CSTF3: variants seen among roughly 807,000 people sequenced by gnomAD.
CSTF3 encodes the protein CF-1 77 kDa subunit.
CSTF3 carries 29 observed loss-of-function variants against 105.8 expected under a neutral mutation model. The observed-to-expected ratio is 0.27, with a 90% CI of 0.20 to 0.37. The LOEUF (loss-of-function observed/expected upper bound fraction) is 0.37. Ranked by LOEUF, CSTF3 falls within the 10% of genes least tolerant of loss-of-function variation. The pLI is 1.00. For missense variants in CSTF3, 357 were observed against 879.3 expected (o/e 0.41, Z 7.51); for synonymous variants, 252 against 281.9 (o/e 0.89, Z 1.06).
At chr11:33,090,476 T>G (rs549074538) in intron 17 of CSTF3, 56 bp downstream of exon 17, 5 of 1,066,142 alleles carry the variant, frequency 4.7e-6, no homozygotes, top group Non-Finnish European at 6.3e-6. Flanking sequence ...ATCAATGAAC[T>G]CTTCTAAAAC....
At chr11:33,089,737 G>C (rs958632733) in intron 17 of CSTF3, among the ~76,000 whole-genome samples, 1 of 152,162 alleles carries the variant, frequency 6.6e-6, no homozygotes, top group Non-Finnish European at 1.5e-5. Flanking sequence ...GGCTAAAAGA[G>C]GGCAGTGAGG....
intron 1 of CSTF3, among the ~76,000 whole-genome samples, chr11:33,147,823 C>A (rs760990586): frequency 6.6e-6 from 1 of 152,070 alleles, no homozygotes; most frequent in Non-Finnish European, 1.5e-5. Context: ...TTGTCGATTT[C>A]TTTTAGCCTT....
chr11:33,107,914 T>C lies in CSTF3; in HGVS notation c.345A>G (p.Leu115=), dbSNP rs1855342801. 3.1e-6 allele frequency: 5 copies of C among 1,604,032 alleles called. No homozygotes were observed. The highest frequency in any genetic ancestry group is 4.3e-6 in the Non-Finnish European group (5 of 1,172,904). The change falls in exon 5 of 21, where the codon CTA becomes CTG. Residue 115 remains leucine, a synonymous_variant. Coordinates refer to ENST00000323959, the MANE Select transcript of CSTF3 (RefSeq NM_001326.3). ...LSYVRETKGK[L]PSYKEKMAQA... ...CTGGTTTCACTTACTTGTAACTTGG[T>C]AGTTTACCCTTGGTTTCTCGGACAT...
chr11:33,140,584 G>A (rs1855700090), intron 3 of CSTF3, among the ~76,000 whole-genome samples: 1 of 152,028 alleles, frequency 6.6e-6, no homozygotes, highest in East Asian at 1.9e-4. Context: ...GGTCCATTCT[G>A]AGGACATATC....
chr11:33,151,819 A>AT (rs1347564405), intron 1 of CSTF3, among the ~76,000 whole-genome samples: 1 of 152,210 alleles, frequency 6.6e-6, no homozygotes, highest in Non-Finnish European at 1.5e-5. Context: ...CATTTCCAGT[A>AT]TAAGGGGTTC....
rs1408050209 is a variant in CSTF3, at chr11:33,154,487, C to CTTTTTTTTTTTTTTTTTTTTT, written c.27+6811_27+6812insAAAAAAAAAAAAAAAAAAAAA. ...TAGACCGGAGTAGCACTCCGTAAGA[C>CTTTTTTTTTTTTTTTTTTTTT]TTTCTTTTTTTTTTTTTTTTTTTTT... is the stretch of plus-strand genomic sequence containing the variant. On this transcript the variant is annotated intron_variant, in intron 1 of 20. Transcript: ENST00000323959. Among the ~76,000 whole-genome samples the CTTTTTTTTTTTTTTTTTTTTT allele has an allele frequency of 6.5e-5, 2 of 30,636 alleles. 1 individual carries two copies. Among genetic ancestry groups the CTTTTTTTTTTTTTTTTTTTTT allele is most frequent in the Non-Finnish European group, 1.9e-4 (2 of 10,446 alleles). The allele number at this position is 30,636 out of a possible 152,430, so 20.1% of individuals were successfully genotyped here. A position where few individuals can be genotyped will look rare whatever the true frequency, so the allele number is the denominator to read the frequency against.
chr11:33,157,446 G>A (rs1313809862), intron 1 of CSTF3, among the ~76,000 whole-genome samples: 1 of 152,074 alleles, frequency 6.6e-6, no homozygotes, highest in Non-Finnish European at 1.5e-5. Context: ...TGTTAGGGGG[G>A]TAAACCTATA....
intron 3 of CSTF3, among the ~76,000 whole-genome samples, chr11:33,135,022 T>G (rs985454506): frequency 2.6e-5 from 4 of 152,218 alleles, no homozygotes; most frequent in Non-Finnish European, 5.9e-5. Flanking sequence ...CTGCAGTTAA[T>G]TCTTTTAAGC....
Position 33,087,014 on chromosome 11 carries a change from A to G in CSTF3, c.1769T>C (p.Ile590Thr). 6.2e-7 allele frequency: 1 copy of G among 1,614,098 alleles called. No individual in the cohort carries two copies. Among genetic ancestry groups the G allele is most frequent in the South Asian group, 1.1e-5 (1 of 91,080 alleles). Residue 590 changes from isoleucine to threonine, a missense_variant, in exon 18 of 21, where the codon ATT (isoleucine) becomes ACT (threonine). Around this residue, in one of 4 missense-constraint regions of CSTF3, gnomAD observed 206 missense variants for 576.5 expected, o/e 0.36. Coordinates refer to ENST00000323959, the MANE Select transcript of CSTF3 (RefSeq NM_001326.3). ...EYPKPDTQQM[I>T]PFQPRHLAPP... The stretch of plus-strand genomic sequence containing the variant: ...TGCTAAATGTCGTGGCTGAAATGGA[A>G]TCATCTGCTGAGTGTCTGGTTTAGG...
intron 17 of CSTF3, 60 bp downstream of exon 17, chr11:33,090,472 G>T: frequency 2.0e-6 from 2 of 1,016,912 alleles, no homozygotes; most frequent in South Asian, 3.6e-5. Context: ...GGTTATCAAT[G>T]AACTCTTCTA....
In CSTF3 at chr11:33,152,178, C is replaced by T. The variant is rs537795879; in HGVS notation, c.27+9121G>A. The stretch of plus-strand genomic sequence containing the variant: ...GCTAAGGTGGGAGGATCCCTTGAGC[C>T]GGCGGGGAGGGGCAGAGGTTCCACT... On this transcript the variant is annotated intron_variant, in intron 1 of 20. Coordinates refer to ENST00000323959, the MANE Select transcript of CSTF3 (RefSeq NM_001326.3). Among the ~76,000 whole-genome samples the T allele has an allele frequency of 4.6e-5, 7 of 152,246 alleles. No individual in the cohort carries two copies. In the South Asian group the frequency reaches 1.2e-3, roughly 27 times the overall value.
chr11:33,122,979 A>C (rs890790674), intron 3 of CSTF3, among the ~76,000 whole-genome samples: 2 of 151,880 alleles, frequency 1.3e-5, no homozygotes, highest in African/African-American at 4.8e-5. Context: ...GGTCAGTAAG[A>C]ACATCAAAAT....
intron 3 of CSTF3, among the ~76,000 whole-genome samples, chr11:33,120,625 A>G (rs1187062485): frequency 5.3e-5 from 8 of 152,076 alleles, no homozygotes; most frequent in African/African-American, 1.7e-4. Context: ...GCTTACTCAG[A>G]AAACAAGCGA....
chr11:33,149,240 T>A (rs999968458), intron 1 of CSTF3, among the ~76,000 whole-genome samples: 1 of 152,224 alleles, frequency 6.6e-6, no homozygotes, highest in Non-Finnish European at 1.5e-5. Context: ...ATCAGTTGCA[T>A]CACTAAATGT....
At chr11:33,152,973 A>G (rs2133807888) in intron 1 of CSTF3, among the ~76,000 whole-genome samples, 1 of 152,166 alleles carries the variant, frequency 6.6e-6, no homozygotes, top group South Asian at 2.1e-4. Context: ...AAAAATAACA[A>G]TAATAATTGA....
At chr11:33,117,097 A>T (rs942477539) in intron 3 of CSTF3, among the ~76,000 whole-genome samples, 4 of 152,014 alleles carry the variant, frequency 2.6e-5, no homozygotes, top group African/African-American at 7.2e-5. Flanking sequence ...CATATTTGTC[A>T]TTTGTAAAAA....
chr11:33,141,779 A>G lies in CSTF3; in HGVS notation c.130-17T>C. On this transcript the variant is annotated splice_polypyrimidine_tract_variant and intron_variant, in intron 2 of 20. Transcript: ENST00000323959. Reference sequence around the variant, plus strand: ...AGGTTGATTCTAAAATTGAAAACCAATAAACAGCATTTACAATGTTAGGAT... The same window carrying G: ...AGGTTGATTCTAAAATTGAAAACCAGTAAACAGCATTTACAATGTTAGGAT... The G allele has an allele frequency of 6.3e-7, 1 of 1,585,832 alleles. No homozygotes were observed. The highest frequency in any genetic ancestry group is 8.5e-7 in the Non-Finnish European group (1 of 1,171,850).
intron 1 of CSTF3, among the ~76,000 whole-genome samples, chr11:33,154,794 G>C (rs529867495): frequency 7.3e-4 from 111 of 152,008 alleles, no homozygotes; most frequent in Admixed American, 3.3e-3. Flanking sequence ...CCACGGTGCC[G>C]TGCTGAGACT....
At chr11:33,143,145 AT>A (rs1452703773) in intron 1 of CSTF3, among the ~76,000 whole-genome samples, 1 of 152,238 alleles carries the variant, frequency 6.6e-6, no homozygotes, top group Non-Finnish European at 1.5e-5. Flanking sequence ...TGTATGTACA[AT>A]ACAATGAAAA....
Sources: allele counts gnomAD v4.1 joint callset (sites outside exome capture counted in the v4.1 genomes callset), GRCh38; gene constraint gnomAD v4.1.1; regional missense constraint gnomAD v4.1.1; transcripts MANE v1.5; gene names NCBI Gene and HGNC (gene_info 2026-07-23, HGNC 2026-07-21).